Variants in LDB2 observed in about 807,000 individuals in gnomAD.
LDB2 encodes the protein LIM domain-binding protein 2.
In LDB2, 12 loss-of-function variants were observed where a neutral mutation model predicts 44.3. The ratio of observed to expected loss-of-function variants is 0.27; its 90% CI spans 0.17 to 0.44. The LOEUF is 0.44. Among genes scored for constraint, LDB2 ranks in the 20% least tolerant of loss-of-function variants. The pLI, the probability that LDB2 is intolerant of heterozygous loss-of-function variation, is 1.00. For synonymous variants in LDB2, 164 were observed against 174.8 expected (o/e 0.94, Z 0.49); for missense variants, 344 against 473.5 (o/e 0.73, Z 2.54).
At chr4:16,849,348 T>C (rs1787733166) in intron 1 of LDB2, among the ~76,000 whole-genome samples, 4 of 152,244 alleles carry the variant, frequency 2.6e-5, no homozygotes, top group Non-Finnish European at 5.9e-5. Flanking sequence ...CATATTTCTT[T>C]TTCTTTTAAA....
chr4:16,644,465 T>C (rs968259915), intron 2 of LDB2, among the ~76,000 whole-genome samples: 5 of 151,242 alleles, frequency 3.3e-5, no homozygotes, highest in Admixed American at 2.0e-4. Context: ...CTCACTCTTA[T>C]GGCCTAGGCT....
chr4:16,886,287 A>T lies in LDB2; in HGVS notation c.132+12067T>A, dbSNP rs546898300. ...GGTACAATGGAGCCAAATAATTTTT[A>T]AAATATCTATATGTTGTTAATTTTT... On this transcript the variant is annotated intron_variant, in intron 1 of 7. Coordinates refer to ENST00000304523, the MANE Select transcript of LDB2 (RefSeq NM_001290.5). Among the ~76,000 whole-genome samples, 66 of 152,298 alleles carry T rather than the reference A, an allele frequency of 4.3e-4. 1 individual carries two copies. The highest frequency in any genetic ancestry group is 4.6e-4 in the Non-Finnish European group (31 of 68,014).
chr4:16,828,628 T>C (rs1276238561), intron 1 of LDB2, among the ~76,000 whole-genome samples: 1 of 152,154 alleles, frequency 6.6e-6, no homozygotes, highest in Non-Finnish European at 1.5e-5. Context: ...TATCATGTGA[T>C]AGATATTGGG....
chr4:16,812,467 G>T (rs967206347), intron 1 of LDB2, among the ~76,000 whole-genome samples: 12 of 151,782 alleles, frequency 7.9e-5, no homozygotes, highest in East Asian at 5.8e-4. Context: ...CTGTCCACCG[G>T]GGGAGATACC....
chr4:16,582,290 A>T lies in LDB2; in HGVS notation c.615+3632T>A, dbSNP rs1715005955. ...AACAATGAATAAATGGGCAAACAGG[A>T]TCTGGTGGGAACTGACAAGGCTCCA... On this transcript the variant is annotated intron_variant, in intron 5 of 7. Coordinates refer to ENST00000304523, the MANE Select transcript of LDB2 (RefSeq NM_001290.5). The surrounding 1 kb of genome is among the most constrained non-coding windows in gnomAD (Gnocchi z 4.8). Among the ~76,000 whole-genome samples the T allele has an allele frequency of 6.6e-6, 1 of 152,198 alleles. No individual in the cohort carries two copies. The highest frequency in any genetic ancestry group is 1.5e-5 in the Non-Finnish European group (1 of 68,034).
At chr4:16,628,875 C>T (rs1731072650) in intron 2 of LDB2, among the ~76,000 whole-genome samples, 1 of 152,166 alleles carries the variant, frequency 6.6e-6, no homozygotes, top group Non-Finnish European at 1.5e-5. Context: ...GTGACTGTAC[C>T]TGGAGAAGCA....
At chr4:16,844,194 C>T (rs890982304) in intron 1 of LDB2, among the ~76,000 whole-genome samples, 1 of 145,020 alleles carries the variant, frequency 6.9e-6, no homozygotes, top group African/African-American at 2.6e-5. Context: ...AAGGTGAAGG[C>T]CTGAGGCCCA....
intron 2 of LDB2, among the ~76,000 whole-genome samples, chr4:16,674,625 G>A (rs769848447): frequency 1.3e-5 from 2 of 152,182 alleles, no homozygotes; most frequent in African/African-American, 2.4e-5. Flanking sequence ...CAACTGGTAA[G>A]CCAGGATTCA....
At chr4:16,815,832 CAT>C (rs1183168126) in intron 1 of LDB2, among the ~76,000 whole-genome samples, 3 of 152,198 alleles carry the variant, frequency 2.0e-5, no homozygotes, top group Non-Finnish European at 4.4e-5. Flanking sequence ...AGAACAGTGA[CAT>C]GTGGTCTTTC....
At chr4:16,744,531 G>C (rs1025946518) in intron 2 of LDB2, among the ~76,000 whole-genome samples, 1 of 151,580 alleles carries the variant, frequency 6.6e-6, no homozygotes, top group Non-Finnish European at 1.5e-5. Flanking sequence ...CTGGAGTGCA[G>C]TGGCTTGATC....
intron 2 of LDB2, among the ~76,000 whole-genome samples, chr4:16,624,508 C>T (rs549454515): frequency 6.6e-6 from 1 of 152,252 alleles, no homozygotes; most frequent in Admixed American, 6.5e-5. Flanking sequence ...GTTTTGCCTA[C>T]ACTATCTTCA....
chr4:16,747,091 T>C (rs952953700), intron 2 of LDB2, among the ~76,000 whole-genome samples: 32 of 152,226 alleles, frequency 2.1e-4, no homozygotes, highest in Non-Finnish European at 3.1e-4. Context: ...AAGACGAGCC[T>C]GAATTTAATA....
chr4:16,640,332 C>G (rs991078559), intron 2 of LDB2, among the ~76,000 whole-genome samples: 1 of 152,088 alleles, frequency 6.6e-6, no homozygotes, highest in Non-Finnish European at 1.5e-5. Context: ...CTAGTCAGTG[C>G]AATAATGGAA....
chr4:16,592,497 T>C (rs202141679), intron 3 of LDB2, among the ~76,000 whole-genome samples: 38,656 of 136,758 alleles, frequency 0.28, 5,851 homozygotes, highest in East Asian at 0.33. Context: ...TATATATATA[T>C]ATATATATAC....
intron 1 of LDB2, among the ~76,000 whole-genome samples, chr4:16,881,303 G>A (rs1237759476): frequency 6.6e-6 from 1 of 152,118 alleles, no homozygotes. Context: ...AGCCTCTCTC[G>A]GCCTCACTTA....
intron 2 of LDB2, among the ~76,000 whole-genome samples, chr4:16,695,932 C>T (rs1405646764): frequency 1.3e-5 from 2 of 152,156 alleles, no homozygotes; most frequent in Admixed American, 1.3e-4. Context: ...TTCCCACTTC[C>T]AGGATTAAAT....
chr4:16,552,724 GTCAACAAATACCTTTCTACCACAGA>G (rs1738110674), intron 5 of LDB2, among the ~76,000 whole-genome samples: 1 of 152,132 alleles, frequency 6.6e-6, no homozygotes, highest in Non-Finnish European at 1.5e-5. Context: ...GTAGGCTACT[GTCAACAAATACCTTTCTACCACAGA>G]TCCATAAAGA....
intron 2 of LDB2, among the ~76,000 whole-genome samples, chr4:16,662,998 T>A (rs555700608): frequency 1.3e-5 from 2 of 152,268 alleles, no homozygotes; most frequent in Admixed American, 1.3e-4. Context: ...TGCTACTGAC[T>A]CTTTCAGGAT....
chr4:16,547,252 A>T (rs1736076578), intron 5 of LDB2, among the ~76,000 whole-genome samples: 1 of 152,168 alleles, frequency 6.6e-6, no homozygotes, highest in African/African-American at 2.4e-5. Flanking sequence ...TCATTCTGGA[A>T]TGACTGGAAA....
Sources: allele counts gnomAD v4.1 joint callset (sites outside exome capture counted in the v4.1 genomes callset), GRCh38; gene constraint gnomAD v4.1.1; non-coding constraint Gnocchi (gnomAD v3.1); transcripts MANE v1.5; gene names NCBI Gene and HGNC (gene_info 2026-07-23, HGNC 2026-07-21).